Variants in SERPINF2 observed in about 807,000 individuals in gnomAD.
The protein encoded by SERPINF2 is serpin family F member 2.
A neutral mutation model predicts 45.0 loss-of-function variants in SERPINF2; 15 were observed. That is an observed-to-expected ratio of 0.33 (90% CI 0.22 to 0.51). SERPINF2 has a LOEUF of 0.51. Among genes scored for constraint, SERPINF2 ranks in the 20% least tolerant of loss-of-function variants. The pLI is 0.97. For synonymous variants in SERPINF2, 283 were observed against 277.9 expected (o/e 1.02, Z -0.18); for missense variants, 518 against 637.4 (o/e 0.81, Z 2.02).
rs1766473542 is a variant in SERPINF2, at chr17:1,742,965, G to A, written c.-5+57G>A. On this transcript the variant is annotated intron_variant, in intron 1 of 9. Transcript: ENST00000453066. Reference sequence around the variant, plus strand: ...TTGGGTAGGAGAGGAGGAGGGAGCTGCCTCCCTGGCTGAGGGGTCTGGGAT... The same window carrying A: ...TTGGGTAGGAGAGGAGGAGGGAGCTACCTCCCTGGCTGAGGGGTCTGGGAT... 5 of 985,428 alleles carry A rather than the reference G, an allele frequency of 5.1e-6. No homozygotes were observed. The Admixed American group carries it at 1.8e-4, about 36-fold the overall frequency. 61.0% of individuals were successfully genotyped at this position (985,428 alleles called of 1,614,324 possible).
rs748952197 is a variant in SERPINF2, at chr17:1,747,460, T to C, written c.663T>C (p.Ser221=). The part of the protein sequence containing the change: ...ATEGKIQEFL[S]GLPEDTVLLL... ...AGGGGAAGATTCAGGAATTCCTCTCTGGGCTGCCGGAAGACACCGTGTTGC... is the reference window on the plus strand; with the variant it reads ...AGGGGAAGATTCAGGAATTCCTCTCCGGGCTGCCGGAAGACACCGTGTTGC... The change falls in exon 7 of 10, where the codon TCT becomes TCC. Residue 221 remains serine, a synonymous_variant. Transcript: ENST00000453066. 3.7e-6 allele frequency: 6 copies of C among 1,614,034 alleles called. No individual in the cohort carries two copies. The highest frequency in any genetic ancestry group is 1.1e-5 in the South Asian group (1 of 91,084).
chr17:1,745,963 C>T lies in SERPINF2; in HGVS notation c.367+54C>T, dbSNP rs1387755445. 6.3e-7 allele frequency: 1 copy of T among 1,582,608 alleles called. No homozygotes were observed. Among genetic ancestry groups the T allele is most frequent in the East Asian group, 2.2e-5 (1 of 44,712 alleles). On this transcript the variant is annotated intron_variant, in intron 5 of 9. Coordinates refer to ENST00000453066, the MANE Select transcript of SERPINF2 (RefSeq NM_000934.4). This position sits in a 1 kb window ranked among gnomAD's most constrained non-coding sequence, Gnocchi z 6.2. Reference sequence around the variant, plus strand: ...GAGAGCTGGGAGGCCAGTAGGAACTCAGTACTCCAATGGTTCTCCGCGGGC... The same window carrying T: ...GAGAGCTGGGAGGCCAGTAGGAACTTAGTACTCCAATGGTTCTCCGCGGGC...
At position 1,746,142 on chromosome 17, in the gene SERPINF2, ACTCT is replaced by A. The variant is rs1326260043; in HGVS notation, c.367+238_367+241del. ...AGACCAGCCTGGCCAACATGGTGAA[ACTCT>A]CTCTACTAAAAATACAAAAAATTTA... On this transcript the variant is annotated intron_variant, in intron 5 of 9. Transcript: ENST00000453066. Among the ~76,000 whole-genome samples, 28 of 151,966 alleles carry A rather than the reference ACTCT, an allele frequency of 1.8e-4. 1 individual carries two copies. In the East Asian group the frequency reaches 5.1e-3, roughly 28 times the overall value.
Position 1,745,296 on chromosome 17 carries a change from G to T in SERPINF2, c.103-37G>T. 2 of 1,612,308 alleles carry T rather than the reference G, an allele frequency of 1.2e-6. No homozygotes were observed. Among genetic ancestry groups the T allele is most frequent in the Non-Finnish European group, 1.7e-6 (2 of 1,179,632 alleles). Reference sequence around the variant, plus strand: ...CTTGGGCAGGGTGGGGGGCCTGTGGGAAGGGTCGGTCTCCATCTGCTTGCT... The same window carrying T: ...CTTGGGCAGGGTGGGGGGCCTGTGGTAAGGGTCGGTCTCCATCTGCTTGCT... On this transcript the variant is annotated intron_variant, in intron 3 of 9. Coordinates refer to ENST00000453066, the MANE Select transcript of SERPINF2 (RefSeq NM_000934.4). This position sits in a 1 kb window ranked among gnomAD's most constrained non-coding sequence, Gnocchi z 6.2.
At position 1,754,878 on chromosome 17, in the gene SERPINF2, G is replaced by C; in HGVS notation, c.*344G>C. Reference sequence around the variant, plus strand: ...GACACCCCGACTTTTGTTTACCAGAGAAAAAGGGAGGGGGAGAGGGCTGCC... The same window carrying C: ...GACACCCCGACTTTTGTTTACCAGACAAAAAGGGAGGGGGAGAGGGCTGCC... On this transcript the variant is annotated 3_prime_UTR_variant, in exon 10 of 10. Transcript: ENST00000453066. The C allele has an allele frequency of 2.6e-6, 1 of 385,120 alleles. No individual in the cohort carries two copies. The allele number at this position is 385,120 out of a possible 1,614,324, so 23.9% of individuals were successfully genotyped here.
Position 1,745,647 on chromosome 17 carries a change from C to G in SERPINF2, c.166-61C>G. 1 of 1,541,290 alleles carries G rather than the reference C, an allele frequency of 6.5e-7. No individual in the cohort carries two copies. The highest frequency in any genetic ancestry group is 8.9e-7 in the Non-Finnish European group (1 of 1,120,870). Reference sequence around the variant, plus strand: ...TCAGGCACAGGGGCTGTGACAAGGCCTTCAACACAGAACCTGGAGCTGACC... The same window carrying G: ...TCAGGCACAGGGGCTGTGACAAGGCGTTCAACACAGAACCTGGAGCTGACC... On this transcript the variant is annotated intron_variant, in intron 4 of 9. Transcript: ENST00000453066. The surrounding 1 kb of genome is among the most constrained non-coding windows in gnomAD (Gnocchi z 6.2).
intron 8 of SERPINF2, among the ~76,000 whole-genome samples, chr17:1,751,490 C>T (rs2151195342): frequency 7.5e-6 from 1 of 132,878 alleles, no homozygotes. Flanking sequence ...TTTACAGGCT[C>T]ATGCCTGTAA....
Position 1,745,620 on chromosome 17 carries a change from C to A in SERPINF2, c.166-88C>A. ...TGGGGCTGGGACAAGGCCCTGCTGT[C>A]CTCAGGCACAGGGGCTGTGACAAGG... On this transcript the variant is annotated intron_variant, in intron 4 of 9. Coordinates refer to ENST00000453066, the MANE Select transcript of SERPINF2 (RefSeq NM_000934.4). The surrounding 1 kb of genome is among the most constrained non-coding windows in gnomAD (Gnocchi z 6.2). 1.4e-6 allele frequency: 2 copies of A among 1,381,808 alleles called. No homozygotes were observed. Among genetic ancestry groups the A allele is most frequent in the Non-Finnish European group, 1.0e-6 (1 of 984,674 alleles). 85.6% of individuals were successfully genotyped at this position (1,381,808 alleles called of 1,614,324 possible).
At chr17:1,746,893 G>A in intron 5 of SERPINF2, 126 bp from the exon 6 acceptor site, 2 of 1,280,928 alleles carry the variant, frequency 1.6e-6, no homozygotes, top group Non-Finnish European at 2.1e-6. Flanking sequence ...ACAGATCCGT[G>A]GCTGTGGAAG....
Position 1,745,254 on chromosome 17 carries a change from G to A in SERPINF2, c.102+41G>A, listed in dbSNP as rs553501683. The A allele has an allele frequency of 4.1e-5, 66 of 1,594,442 alleles. No individual in the cohort carries two copies. In the East Asian group the frequency reaches 5.0e-4, roughly 12 times the overall value. On this transcript the variant is annotated intron_variant, in intron 3 of 9. Transcript: ENST00000453066. This position sits in a 1 kb window ranked among gnomAD's most constrained non-coding sequence, Gnocchi z 6.2. The stretch of plus-strand genomic sequence containing the variant: ...GAGCCTGTGATGGGGGGAAGGTCCC[G>A]GGGGTCTCACTGGTGGCTTGGGCAG...
At chr17:1,749,149 C>T (rs367710976) in intron 8 of SERPINF2, among the ~76,000 whole-genome samples, 6 of 152,138 alleles carry the variant, frequency 3.9e-5, no homozygotes, top group Non-Finnish European at 5.9e-5. Flanking sequence ...TGATTTTGGC[C>T]GGGAGCGGTG....
chr17:1,744,973 C>A lies in SERPINF2; in HGVS notation c.-4-19C>A. The A allele has an allele frequency of 6.2e-7, 1 of 1,613,448 alleles. No homozygotes were observed. The highest frequency in any genetic ancestry group is 8.5e-7 in the Non-Finnish European group (1 of 1,179,796). On this transcript the variant is annotated intron_variant, in intron 1 of 9. Transcript: ENST00000453066. Reference sequence around the variant, plus strand: ...GTGGGGATGTGAGATGGGAACAGAGCTTTCTGTCCCTGCCACAGGAACATG... The same window carrying A: ...GTGGGGATGTGAGATGGGAACAGAGATTTCTGTCCCTGCCACAGGAACATG...
intron 5 of SERPINF2, 87 bp from the exon 6 acceptor site, chr17:1,746,932 G>C: frequency 6.6e-7 from 1 of 1,520,282 alleles, no homozygotes. Flanking sequence ...GGACGTCCTC[G>C]TCACGGGTAT....
At chr17:1,748,800 C>T (rs1906109889) in intron 8 of SERPINF2, 60 bp downstream of exon 8, 7 of 905,734 alleles carry the variant, frequency 7.7e-6, no homozygotes, top group Non-Finnish European at 1.3e-5. Flanking sequence ...AGGGAGTGGA[C>T]AGGCTGTGGA....
At position 1,745,990 on chromosome 17, in the gene SERPINF2, G is replaced by T. The variant is rs754992110; in HGVS notation, c.367+81G>T. 1.4e-6 allele frequency: 2 copies of T among 1,474,990 alleles called. No individual in the cohort carries two copies. The highest frequency in any genetic ancestry group is 1.1e-5 in the South Asian group (1 of 88,390). The allele number at this position is 1,474,990 out of a possible 1,614,324, so 91.4% of individuals were successfully genotyped here. A position where few individuals can be genotyped will look rare whatever the true frequency, so the allele number is the denominator to read the frequency against. On this transcript the variant is annotated intron_variant, in intron 5 of 9. Transcript: ENST00000453066. This position sits in a 1 kb window ranked among gnomAD's most constrained non-coding sequence, Gnocchi z 6.2. ...GTACTCCAATGGTTCTCCGCGGGCG[G>T]TTCCTCCACCAGGGTCACGTGGCTG...
chr17:1,754,407 C>A lies in SERPINF2; in HGVS notation c.1349C>A (p.Ser450Tyr). The change falls in exon 10 of 10, where the codon TCC (serine) becomes TAC (tyrosine). Residue 450 changes from serine to tyrosine, a missense_variant. By Grantham distance (144) the Ser-to-Tyr change is moderately radical. Around this residue, in one of 2 missense-constraint regions of SERPINF2, gnomAD observed 83 missense variants for 60.0 expected, o/e 1.38. Coordinates refer to ENST00000453066, the MANE Select transcript of SERPINF2 (RefSeq NM_000934.4). ...APRELKEQQDSPGNKDFLQSL... is the reference protein window; with the variant it reads ...APRELKEQQDYPGNKDFLQSL... ...CGGGAGCTCAAGGAACAGCAGGATTCCCCGGGCAACAAGGACTTCCTCCAG... is the reference window on the plus strand; with the variant it reads ...CGGGAGCTCAAGGAACAGCAGGATTACCCGGGCAACAAGGACTTCCTCCAG... 1 of 1,613,390 alleles carries A rather than the reference C, an allele frequency of 6.2e-7. No homozygotes were observed. Among genetic ancestry groups the A allele is most frequent in the Non-Finnish European group, 8.5e-7 (1 of 1,179,444 alleles).
intron 8 of SERPINF2, 117 bp downstream of exon 8, chr17:1,748,857 C>A (rs1230195479): frequency 2.6e-6 from 2 of 761,340 alleles, no homozygotes; most frequent in African/African-American, 3.4e-5. Context: ...CTTGCCTCCA[C>A]GTCCCCTAGG....
intron 9 of SERPINF2, among the ~76,000 whole-genome samples, chr17:1,753,088 G>A (rs1201203679): frequency 6.6e-6 from 1 of 152,218 alleles, no homozygotes; most frequent in African/African-American, 2.4e-5. Flanking sequence ...GGAAGGGGAA[G>A]GAGGAGAAGC....
In SERPINF2 at chr17:1,747,496, C is replaced by T. The variant is rs150369383; in HGVS notation, c.699C>T (p.Asn233=). 63 of 1,613,890 alleles carry T rather than the reference C, an allele frequency of 3.9e-5. No homozygotes were observed. The highest frequency in any genetic ancestry group is 5.5e-5 in the South Asian group (5 of 91,056). ...LPEDTVLLLL[N]AIHFQGFWRN... ...AAGACACCGTGTTGCTTCTCCTCAACGCCATCCACTTCCAGGGTGCGCTCC... is the reference window on the plus strand; with the variant it reads ...AAGACACCGTGTTGCTTCTCCTCAATGCCATCCACTTCCAGGGTGCGCTCC... The change falls in exon 7 of 10, where the codon AAC becomes AAT. Residue 233 remains asparagine, a synonymous_variant. Coordinates refer to ENST00000453066, the MANE Select transcript of SERPINF2 (RefSeq NM_000934.4).
Sources: allele counts gnomAD v4.1 joint callset (sites outside exome capture counted in the v4.1 genomes callset), GRCh38; gene constraint gnomAD v4.1.1; regional missense constraint gnomAD v4.1.1; non-coding constraint Gnocchi (gnomAD v3.1); transcripts MANE v1.5; gene names NCBI Gene and HGNC (gene_info 2026-07-23, HGNC 2026-07-21).